The following IMMT variants were observed in gnomAD, a reference collection of about 807,000 sequenced individuals.
IMMT encodes inner membrane mitochondrial protein.
In IMMT, 40 loss-of-function variants were observed where a neutral mutation model predicts 92.7. The observed-to-expected ratio is 0.43, with a 90% CI of 0.34 to 0.56. The LOEUF is 0.56. Among genes scored for constraint, IMMT ranks in the 20% least tolerant of loss-of-function variants. The probability of loss-of-function intolerance (pLI) is 0.03; values close to 1 mark genes in which losing one functional copy is unlikely to be tolerated. For missense variants in IMMT, 831 were observed against 912.1 expected (o/e 0.91, Z 1.14); for synonymous variants, 322 against 336.1 (o/e 0.96, Z 0.46).
intron 3 of IMMT, among the ~76,000 whole-genome samples, chr2:86,177,061 AG>A (rs1322297432): frequency 6.6e-6 from 1 of 152,176 alleles, no homozygotes; most frequent in African/African-American, 2.4e-5. Flanking sequence ...GGTTACAGGG[AG>A]GAAGTTGGAT....
intron 3 of IMMT, among the ~76,000 whole-genome samples, chr2:86,176,243 A>G (rs1677418175): frequency 6.6e-6 from 1 of 152,246 alleles, no homozygotes; most frequent in African/African-American, 2.4e-5. Flanking sequence ...TCTAGTTTTT[A>G]CATCCTGTGG....
chr2:86,176,627 A>T (rs1677448231), intron 3 of IMMT, among the ~76,000 whole-genome samples: 1 of 152,236 alleles, frequency 6.6e-6, no homozygotes, highest in South Asian at 2.1e-4. Context: ...CTTTAATCCA[A>T]AAAAGCAAAT....
At chr2:86,188,389 ACGCACACACG>A (rs764877503) in intron 1 of IMMT, among the ~76,000 whole-genome samples, 16 of 151,750 alleles carry the variant, frequency 1.1e-4, no homozygotes, top group Non-Finnish European at 1.8e-4. Flanking sequence ...ATACACATAC[ACGCACACACG>A]CGCACACACA....
chr2:86,160,053 C>T (rs1055478909), intron 8 of IMMT: 1 of 153,894 alleles, frequency 6.5e-6, no homozygotes, highest in African/African-American at 2.4e-5. Flanking sequence ...TAACTCACTA[C>T]CTTTGGACGA....
intron 1 of IMMT, among the ~76,000 whole-genome samples, chr2:86,193,478 G>A (rs898500972): frequency 6.6e-6 from 1 of 151,908 alleles, no homozygotes; most frequent in African/African-American, 2.4e-5. Context: ...TTCTGGATAC[G>A]TTGATACAAT....
chr2:86,156,227 C>G (rs1210192333), intron 10 of IMMT, among the ~76,000 whole-genome samples: 1 of 152,118 alleles, frequency 6.6e-6, no homozygotes, highest in Non-Finnish European at 1.5e-5. Context: ...AAAATGTCTC[C>G]CGGTGTTGCC....
chr2:86,170,625 AAAC>A (rs1677015287), intron 6 of IMMT, 121 bp downstream of exon 6: 2 of 645,962 alleles, frequency 3.1e-6, no homozygotes, highest in South Asian at 2.0e-5. Context: ...TGCCACTAAA[AAAC>A]AACCGCAGCA....
At chr2:86,189,673 T>G (rs1672999006) in intron 1 of IMMT, among the ~76,000 whole-genome samples, 1 of 152,186 alleles carries the variant, frequency 6.6e-6, no homozygotes, top group Non-Finnish European at 1.5e-5. Context: ...GATAACGTTT[T>G]TGTGGATCTT....
chr2:86,189,512 T>C (rs961305698), intron 1 of IMMT, among the ~76,000 whole-genome samples: 7 of 152,192 alleles, frequency 4.6e-5, no homozygotes, highest in African/African-American at 1.7e-4. Flanking sequence ...AGACCATCTG[T>C]TCCTTAGCTC....
At position 86,195,333 on chromosome 2, in the gene IMMT, C is replaced by T. The variant is rs1293013688; in HGVS notation, c.45+5G>A. ...TCACGCGCCTCCGGGAGCCCCAGTG[C>T]TCACCTGGGCGGCGGCGGTCACACC... On this transcript the variant is annotated splice_donor_5th_base_variant and intron_variant, in intron 1 of 14. Transcript: ENST00000410111. The T allele has an allele frequency of 1.3e-6, 2 of 1,547,594 alleles. No individual in the cohort carries two copies. The highest frequency in any genetic ancestry group is 4.9e-5 in the East Asian group (2 of 40,678).
In IMMT at chr2:86,195,394, G is replaced by A. The variant is rs1558848664; in HGVS notation, c.-12C>T. The A allele has an allele frequency of 1.9e-6, 3 of 1,547,650 alleles. No individual in the cohort carries two copies. Among genetic ancestry groups the A allele is most frequent in the Admixed American group, 2.0e-5 (1 of 50,870 alleles). Reference sequence around the variant, plus strand: ...CAGGCCCGCAGCATCTCGGTCAAGCGGACGGCGCTGCTGGTGGACTCGAGC... The same window carrying A: ...CAGGCCCGCAGCATCTCGGTCAAGCAGACGGCGCTGCTGGTGGACTCGAGC... On this transcript the variant is annotated 5_prime_UTR_variant, in exon 1 of 15. Transcript: ENST00000410111.
chr2:86,179,009 C>T (rs1164252801), intron 3 of IMMT, among the ~76,000 whole-genome samples: 3 of 152,204 alleles, frequency 2.0e-5, no homozygotes, highest in East Asian at 3.9e-4. Flanking sequence ...TGCGGTGAGG[C>T]GAGATCATAC....
At chr2:86,180,328 C>A (rs60339010) in intron 2 of IMMT, among the ~76,000 whole-genome samples, 37 of 151,922 alleles carry the variant, frequency 2.4e-4, no homozygotes, top group Admixed American at 2.4e-3. Context: ...TGCGATGGCA[C>A]GATCTTGGCT....
intron 10 of IMMT, among the ~76,000 whole-genome samples, chr2:86,156,707 G>A (rs1675880611): frequency 6.6e-6 from 1 of 152,050 alleles, no homozygotes; most frequent in Admixed American, 6.6e-5. Flanking sequence ...TAGTCTACTG[G>A]GAAGACCAAA....
Position 86,195,341 on chromosome 2 carries a change from G to A in IMMT, c.42C>T (p.Ala14=), listed in dbSNP as rs1221384808. 4 of 1,548,996 alleles carry A rather than the reference G, an allele frequency of 2.6e-6. No individual in the cohort carries two copies. The highest frequency in any genetic ancestry group is 2.0e-5 in the Admixed American group (1 of 51,002). The change falls in exon 1 of 15, where the codon GCC becomes GCT. Residue 14 remains alanine, a synonymous_variant. Coordinates refer to ENST00000410111, the MANE Select transcript of IMMT (RefSeq NM_006839.3). ...CTCCGGGAGCCCCAGTGCTCACCTGGGCGGCGGCGGTCACACCCGATAACT... is the reference window on the plus strand; with the variant it reads ...CTCCGGGAGCCCCAGTGCTCACCTGAGCGGCGGCGGTCACACCCGATAACT... The part of the protein sequence containing the change: ...ACQLSGVTAA[A]QSCLCGKFVL...
chr2:86,170,349 G>A (rs1160473737), intron 6 of IMMT, among the ~76,000 whole-genome samples: 1 of 152,164 alleles, frequency 6.6e-6, no homozygotes, highest in African/African-American at 2.4e-5. Context: ...GGCCTGGGAG[G>A]TTGAGGCTGC....
chr2:86,183,226 A>G (rs1394145652), intron 1 of IMMT, among the ~76,000 whole-genome samples: 2 of 152,216 alleles, frequency 1.3e-5, no homozygotes, highest in East Asian at 3.8e-4. Flanking sequence ...AGCACAATGG[A>G]TAACTGACTC....
rs1174260895 is a variant in IMMT, at chr2:86,156,056, C to T, written c.1163-2482G>A. Among the ~76,000 whole-genome samples the T allele has an allele frequency of 4.6e-5, 7 of 152,264 alleles. No homozygotes were observed. In the East Asian group the frequency reaches 7.7e-4, roughly 17 times the overall value. On this transcript the variant is annotated intron_variant, in intron 10 of 14. Transcript: ENST00000410111. Reference sequence around the variant, plus strand: ...CAAGGGACCTTCATTTTCTACATGGCCCTTTCTTTAGCACAGGCTTCTCAA... The same window carrying T: ...CAAGGGACCTTCATTTTCTACATGGTCCTTTCTTTAGCACAGGCTTCTCAA...
Position 86,144,340 on chromosome 2 carries a change from T to G in IMMT, c.2205A>C (p.Lys735Asn). The change falls in exon 15 of 15, where the codon AAA becomes AAC. Residue 735 changes from lysine to asparagine, a missense_variant. Transcript: ENST00000410111. ...LKEARMTLET[K>N]QIVEILTAYA... ...ATGCTGTCAGGATTTCCACTATCTG[T>G]TTCGTTTCTAGGGTCATTCGGGCTT... 1 of 1,613,988 alleles carries G rather than the reference T, an allele frequency of 6.2e-7. No homozygotes were observed. The highest frequency in any genetic ancestry group is 8.5e-7 in the Non-Finnish European group (1 of 1,179,888).
Sources: allele counts gnomAD v4.1 joint callset (sites outside exome capture counted in the v4.1 genomes callset), GRCh38; gene constraint gnomAD v4.1.1; transcripts MANE v1.5; gene names NCBI Gene and HGNC (gene_info 2026-07-23, HGNC 2026-07-21).